Variants in ADGRL4 observed in about 807,000 individuals in gnomAD.
ADGRL4 encodes the protein adhesion G protein-coupled receptor L4, also known as EGF, latrophilin and seven transmembrane domain containing 1.
A neutral mutation model predicts 74.8 loss-of-function variants in ADGRL4; 90 were observed. That is an observed-to-expected ratio of 1.20 (90% CI 1.02 to 1.43). The LOEUF (loss-of-function observed/expected upper bound fraction) is 1.43. Among genes scored for constraint, ADGRL4 ranks in the 40% most tolerant of loss-of-function variants. The pLI, the probability that ADGRL4 is intolerant of heterozygous loss-of-function variation, is 0.00. For synonymous variants in ADGRL4, 311 were observed against 279.2 expected, an observed-to-expected ratio of 1.11 and a Z score of -1.14; for missense variants, 881 against 814.3, an observed-to-expected ratio of 1.08 and a Z score of -1.00.
At position 78,891,092 on chromosome 1, in the gene ADGRL4, G is replaced by T; in HGVS notation, c.*62C>A. 3 of 1,472,944 alleles carry T rather than the reference G, an allele frequency of 2.0e-6. No homozygotes were observed. Among genetic ancestry groups the T allele is most frequent in the Non-Finnish European group, 2.8e-6 (3 of 1,052,906 alleles). 91.2% of individuals were successfully genotyped at this position (1,472,944 alleles called of 1,614,324 possible). A position where few individuals can be genotyped will look rare whatever the true frequency, so the allele number is the denominator to read the frequency against. ...ATTTGATGAGTCATTTTTATACATT[G>T]GTCATCCACAGCTTGGAATTTTTAT... On this transcript the variant is annotated 3_prime_UTR_variant, in exon 15 of 15. Transcript: ENST00000370742.
At chr1:78,934,808 C>T (rs895449839) in intron 7 of ADGRL4, among the ~76,000 whole-genome samples, 1 of 152,066 alleles carries the variant, frequency 6.6e-6, no homozygotes, top group Non-Finnish European at 1.5e-5. Context: ...AAAAAAAGCT[C>T]GACATTACTG....
At chr1:78,950,228 C>T (rs972788012) in intron 2 of ADGRL4, among the ~76,000 whole-genome samples, 3 of 151,940 alleles carry the variant, frequency 2.0e-5, no homozygotes, top group Non-Finnish European at 4.4e-5. Context: ...CAAAAGGGGT[C>T]CCCACAATCC....
intron 2 of ADGRL4, among the ~76,000 whole-genome samples, chr1:78,947,596 AT>A (rs34230792): frequency 6.6e-6 from 1 of 152,052 alleles, no homozygotes; most frequent in African/African-American, 2.4e-5. Context: ...ATTTGGTCAT[AT>A]TTTTTTATGG....
At chr1:78,967,531 T>C (rs952514908) in intron 2 of ADGRL4, among the ~76,000 whole-genome samples, 2 of 152,174 alleles carry the variant, frequency 1.3e-5, no homozygotes, top group Non-Finnish European at 2.9e-5. Flanking sequence ...ATGGTTATAA[T>C]AAAGGCATAG....
At chr1:78,955,590 G>A (rs147081945) in intron 2 of ADGRL4, among the ~76,000 whole-genome samples, 2 of 151,752 alleles carry the variant, frequency 1.3e-5, no homozygotes, top group African/African-American at 4.8e-5. Flanking sequence ...AAAATAATAT[G>A]CAGTTTACTT....
At position 78,891,154 on chromosome 1, in the gene ADGRL4, T is replaced by G; in HGVS notation, c.2073A>C (p.Ter691TyrextTer2). The change falls in exon 15 of 15, where the codon TAA becomes TAC. Residue 691 changes from the stop codon to tyrosine (Y), a stop_lost. Transcript: ENST00000370742. Reference sequence around the variant, plus strand: ...TGTAATTATCCACCATTCTCTATGTTTACCTTAAACATCCAAAACAACAGG... The same window carrying G: ...TGTAATTATCCACCATTCTCTATGTGTACCTTAAACATCCAAAACAACAGG... ...NVPCCFGCLR[*>Y] is the part of the protein sequence containing the mutation. 1 of 1,611,666 alleles carries G rather than the reference T, an allele frequency of 6.2e-7. No homozygotes were observed. The highest frequency in any genetic ancestry group is 8.5e-7 in the Non-Finnish European group (1 of 1,178,448).
At chr1:78,961,769 C>T (rs1426365038) in intron 2 of ADGRL4, among the ~76,000 whole-genome samples, 1 of 152,072 alleles carries the variant, frequency 6.6e-6, no homozygotes. Flanking sequence ...GCTTTGCAGG[C>T]ATGTGACTAG....
chr1:78,932,627 A>C (rs201985555), intron 7 of ADGRL4, among the ~76,000 whole-genome samples: 38 of 138,668 alleles, frequency 2.7e-4, no homozygotes, highest in Non-Finnish European at 3.1e-4. Flanking sequence ...AAAAAAAAAA[A>C]CAATGAATCC....
chr1:78,993,058 T>C (rs1570276941), intron 2 of ADGRL4, among the ~76,000 whole-genome samples: 2 of 152,256 alleles, frequency 1.3e-5, no homozygotes, highest in Admixed American at 6.5e-5. Context: ...AGAAAAATAA[T>C]ATTTTCTAGA....
In ADGRL4 at chr1:78,891,174, A is replaced by C; in HGVS notation, c.2053T>G (p.Cys685Gly). 1.9e-6 allele frequency: 3 copies of C among 1,611,430 alleles called. No homozygotes were observed. The highest frequency in any genetic ancestry group is 2.5e-6 in the Non-Finnish European group (3 of 1,178,374). The change falls in exon 15 of 15, where the codon TGT becomes GGT. Residue 685 changes from cysteine (C) to glycine (G), a missense_variant. Cys to Gly is a radical substitution (Grantham distance 159, BLOSUM62 -3). Transcript: ENST00000370742. ...TATGTTTACCTTAAACATCCAAAAC[A>C]ACAGGGGACATTTTTGAACAATCTG... ...YYRLFKNVPC[C>G]FGCLR
intron 6 of ADGRL4, among the ~76,000 whole-genome samples, chr1:78,937,381 G>T (rs1449735956): frequency 1.3e-5 from 2 of 152,158 alleles, no homozygotes; most frequent in Non-Finnish European, 2.9e-5. Context: ...GAAGGTGGAG[G>T]TTGCAGTGAG....
chr1:78,978,344 A>G (rs1650330538), intron 2 of ADGRL4, among the ~76,000 whole-genome samples: 1 of 151,862 alleles, frequency 6.6e-6, no homozygotes, highest in Non-Finnish European at 1.5e-5. Context: ...TTTCACTCAC[A>G]CTATTTTTGT....
intron 2 of ADGRL4, among the ~76,000 whole-genome samples, chr1:78,955,570 T>C (rs188941146): frequency 8.6e-5 from 13 of 152,046 alleles, no homozygotes; most frequent in African/African-American, 2.7e-4. Context: ...TTTCCTACAA[T>C]AAAATCTCTA....
intron 12 of ADGRL4, among the ~76,000 whole-genome samples, chr1:78,909,007 CAAG>C (rs1339489787): frequency 6.6e-6 from 1 of 151,396 alleles, no homozygotes; most frequent in African/African-American, 2.4e-5. Flanking sequence ...TCTATTGTTT[CAAG>C]AAGGTCAAAA....
chr1:78,968,899 T>C lies in ADGRL4; in HGVS notation c.173-22473A>G, dbSNP rs574843363. On this transcript the variant is annotated intron_variant, in intron 2 of 14. Coordinates refer to ENST00000370742, the MANE Select transcript of ADGRL4 (RefSeq NM_022159.4). ...CTCAAATACAAGTTTCTGATAACTT[T>C]GTTGATTTTAATATTGGAATAAAGG... Among the ~76,000 whole-genome samples the C allele has an allele frequency of 3.3e-5, 5 of 152,338 alleles. No individual in the cohort carries two copies. In the South Asian group the frequency reaches 1.0e-3, roughly 32 times the overall value.
rs1354211723 is a variant in ADGRL4 at position 78,992,193 on chromosome 1, T to C, written c.172+12877A>G. ...TCATGGCAAATAAAGGACCAAAGTG[T>C]TAATTTCCTCCTTAAAATAAGTACA... On this transcript the variant is annotated intron_variant, in intron 2 of 14. Coordinates refer to ENST00000370742, the MANE Select transcript of ADGRL4 (RefSeq NM_022159.4). Among the ~76,000 whole-genome samples the C allele has an allele frequency of 2.6e-5, 4 of 152,070 alleles. No individual in the cohort carries two copies. In the East Asian group the frequency reaches 7.7e-4, roughly 29 times the overall value.
At chr1:78,935,629 G>A (rs1334408976) in intron 7 of ADGRL4, among the ~76,000 whole-genome samples, 1 of 152,162 alleles carries the variant, frequency 6.6e-6, no homozygotes, top group East Asian at 1.9e-4. Flanking sequence ...GGATTATTGA[G>A]GAAGAAATAT....
chr1:78,917,779 A>C (rs1279506109), intron 11 of ADGRL4, 51 bp downstream of exon 11: 1 of 1,585,762 alleles, frequency 6.3e-7, no homozygotes, highest in Non-Finnish European at 8.7e-7. Flanking sequence ...AAGAAATGCA[A>C]AGCACATTCA....
intron 10 of ADGRL4, 101 bp from the exon 11 acceptor site, chr1:78,918,151 A>G (rs1395984553): frequency 1.1e-6 from 1 of 879,426 alleles, no homozygotes; most frequent in South Asian, 1.7e-5. Flanking sequence ...CTTTCTTTAT[A>G]CTATAAAGTA....
Sources: allele counts gnomAD v4.1 joint callset (sites outside exome capture counted in the v4.1 genomes callset), GRCh38; gene constraint gnomAD v4.1.1; transcripts MANE v1.5; gene names NCBI Gene and HGNC (gene_info 2026-07-23, HGNC 2026-07-21).